The following SOCS5 variants were observed in gnomAD, a reference collection of about 807,000 sequenced individuals.
SOCS5 encodes the protein CIS-6.
Under a neutral mutation model 42.8 loss-of-function variants are expected in SOCS5, and 32 were observed. The ratio of observed to expected loss-of-function variants is 0.75; its 90% CI spans 0.56 to 1.01. The LOEUF (loss-of-function observed/expected upper bound fraction) is 1.01, where lower values mean the gene tolerates loss of function less well. Among genes scored for constraint, SOCS5 ranks in the 50% least tolerant of loss-of-function variants. The probability of loss-of-function intolerance (pLI) is 0.00; values close to 1 mark genes in which losing one functional copy is unlikely to be tolerated. For missense variants in SOCS5, 627 were observed against 653.0 expected, an observed-to-expected ratio of 0.96 and a Z score of 0.43; for synonymous variants, 283 against 229.6, an observed-to-expected ratio of 1.23 and a Z score of -2.10.
chr2:46,758,885 C>T lies in SOCS5; in HGVS notation c.355C>T (p.Pro119Ser). Residue 119 changes from proline to serine, a missense_variant, in exon 2 of 2, where the codon CCA (proline) becomes TCA (serine). Transcript: ENST00000394861. ...ARRDSYSRHA[P>S]WGGKKKHSCS... ...AAGAGATTCCTACTCTCGACATGCT[C>T]CATGGGGTGGGAAGAAAAAACATTC... 2 of 1,614,000 alleles carry T rather than the reference C, an allele frequency of 1.2e-6. No homozygotes were observed. Among genetic ancestry groups the T allele is most frequent in the Non-Finnish European group, 1.7e-6 (2 of 1,179,898 alleles).
intron 1 of SOCS5, among the ~76,000 whole-genome samples, chr2:46,703,206 A>C (rs556077968): frequency 6.6e-6 from 1 of 152,208 alleles, no homozygotes; most frequent in Non-Finnish European, 1.5e-5. Context: ...ATGTTACTGT[A>C]CTAGTAATAG....
intron 1 of SOCS5, among the ~76,000 whole-genome samples, chr2:46,750,970 C>G (rs543899980): frequency 5.0e-4 from 76 of 152,082 alleles, no homozygotes; most frequent in African/African-American, 4.6e-4. Flanking sequence ...TTTTAAAGAA[C>G]TTAATGACAC....
chr2:46,759,572 C>T lies in SOCS5; in HGVS notation c.1042C>T (p.His348Tyr). Residue 348 changes from histidine (H) to tyrosine (Y), a missense_variant, in exon 2 of 2, where the codon CAT (histidine) becomes TAT (tyrosine). By Grantham distance (83) the His-to-Tyr change is moderately conservative. Around this residue, in one of 3 missense-constraint regions of SOCS5, gnomAD observed 340 missense variants for 367.6 expected, o/e 0.92. Transcript: ENST00000394861. ...GCAGCGTCAGATATCTGGAGACAGC[C>T]ATACCCATGTTAGCAGACAGGGAGC... is the stretch of plus-strand genomic sequence containing the variant. ...QKQRQISGDS[H>Y]THVSRQGAWK... 6.2e-7 allele frequency: 1 copy of T among 1,613,920 alleles called. No homozygotes were observed.
At chr2:46,713,012 C>T (rs892073980) in intron 1 of SOCS5, among the ~76,000 whole-genome samples, 1 of 152,094 alleles carries the variant, frequency 6.6e-6, no homozygotes, top group Non-Finnish European at 1.5e-5. Flanking sequence ...CCATCTGGAC[C>T]TGTAGTTTTC....
chr2:46,759,962 A>G lies in SOCS5; in HGVS notation c.1432A>G (p.Arg478Gly). 6.2e-7 allele frequency: 1 copy of G among 1,614,200 alleles called. No homozygotes were observed. The highest frequency in any genetic ancestry group is 1.1e-5 in the South Asian group (1 of 91,084). ...ACCATTGCTTACTATATCACTAAAT[A>G]GGACTTTCCCTTTTAGCCTGCAGTA... ...FEPLLTISLN[R>G]TFPFSLQYIC... Residue 478 changes from arginine to glycine, a missense_variant, in exon 2 of 2, where the codon AGG becomes GGG. By Grantham distance (125) the Arg-to-Gly change is moderately radical. This residue lies in a region of SOCS5 where 340 missense variants were observed against 367.6 expected (regional missense o/e 0.92). Transcript: ENST00000394861.
intron 1 of SOCS5, among the ~76,000 whole-genome samples, chr2:46,703,172 G>A (rs1234627796): frequency 6.6e-6 from 1 of 152,142 alleles, no homozygotes; most frequent in Non-Finnish European, 1.5e-5. Context: ...ATTAAAATTA[G>A]AAACAAGCTA....
At chr2:46,741,335 G>C (rs1673370985) in intron 1 of SOCS5, among the ~76,000 whole-genome samples, 1 of 152,012 alleles carries the variant, frequency 6.6e-6, no homozygotes, top group Non-Finnish European at 1.5e-5. Context: ...CACCTCCCAG[G>C]TTCAAGTGAT....
chr2:46,759,356 G>A lies in SOCS5; in HGVS notation c.826G>A (p.Val276Ile), dbSNP rs1255841156. 1.9e-6 allele frequency: 3 copies of A among 1,613,844 alleles called. No individual in the cohort carries two copies. Among genetic ancestry groups the A allele is most frequent in the Non-Finnish European group, 2.5e-6 (3 of 1,179,852 alleles). ...ERRRLSIEEG[V>I]DPPPNAQIHT... ...AAGGCGGCTTAGTATTGAAGAAGGG[G>A]TTGATCCCCCTCCCAATGCACAAAT... The change falls in exon 2 of 2, where the codon GTT becomes ATT. Residue 276 changes from valine to isoleucine, a missense_variant. Coordinates refer to ENST00000394861, the MANE Select transcript of SOCS5 (RefSeq NM_144949.3).
rs767063563 is a variant in SOCS5, at chr2:46,758,751, ATTC to A, written c.225_227del (p.Ser76del). 6.2e-7 allele frequency: 1 copy of A among 1,614,194 alleles called. No individual in the cohort carries two copies. The highest frequency in any genetic ancestry group is 8.5e-7 in the Non-Finnish European group (1 of 1,180,016). Reference sequence around the variant, plus strand: ...CAACTGGGATTAAGCCCTTCGAAGAATTCTTCAAGGAGAAATCAAAATTGTGCC... The same window carrying A: ...CAACTGGGATTAAGCCCTTCGAAGAATTCAAGGAGAAATCAAAATTGTGCC... On this transcript the variant is annotated inframe_deletion, in exon 2 of 2. Coordinates refer to ENST00000394861, the MANE Select transcript of SOCS5 (RefSeq NM_144949.3).
intron 1 of SOCS5, among the ~76,000 whole-genome samples, chr2:46,719,985 A>G (rs1159030824): frequency 6.6e-6 from 1 of 152,184 alleles, no homozygotes; most frequent in African/African-American, 2.4e-5. Context: ...AAACAATATC[A>G]AGCTATGATA....
chr2:46,720,535 G>T (rs1038449145), intron 1 of SOCS5, among the ~76,000 whole-genome samples: 1 of 152,014 alleles, frequency 6.6e-6, no homozygotes, highest in Admixed American at 6.6e-5. Flanking sequence ...AAAACAGCTT[G>T]GTATTTTTTA....
intron 1 of SOCS5, among the ~76,000 whole-genome samples, chr2:46,739,774 CAT>C (rs374226865): frequency 9.2e-5 from 14 of 152,262 alleles, no homozygotes; most frequent in Middle Eastern, 3.4e-3. Context: ...CTTTTGTACA[CAT>C]GTCTACACAC....
chr2:46,732,111 A>G (rs1177291293), intron 1 of SOCS5, among the ~76,000 whole-genome samples: 1 of 152,186 alleles, frequency 6.6e-6, no homozygotes, highest in Non-Finnish European at 1.5e-5. Context: ...ATGCAGTTTT[A>G]TTTCATTCAT....
At chr2:46,716,777 ATTT>A (rs1283807439) in intron 1 of SOCS5, among the ~76,000 whole-genome samples, 1 of 152,152 alleles carries the variant, frequency 6.6e-6, no homozygotes, top group Non-Finnish European at 1.5e-5. Context: ...TGCTTGGCCA[ATTT>A]TATGAATCAA....
chr2:46,744,067 G>A (rs1255138686), intron 1 of SOCS5, among the ~76,000 whole-genome samples: 1 of 151,712 alleles, frequency 6.6e-6, no homozygotes, highest in South Asian at 2.1e-4. Flanking sequence ...TCAGCTCACT[G>A]CAACCTCCCC....
At chr2:46,751,622 A>G (rs1316803550) in intron 1 of SOCS5, among the ~76,000 whole-genome samples, 2 of 152,120 alleles carry the variant, frequency 1.3e-5, no homozygotes, top group Non-Finnish European at 2.9e-5. Flanking sequence ...TTCTGTGTGT[A>G]TATTATTTTT....
intron 1 of SOCS5, among the ~76,000 whole-genome samples, chr2:46,740,372 G>T (rs1673343409): frequency 6.6e-6 from 1 of 152,198 alleles, no homozygotes. Flanking sequence ...TTTGGTTAAA[G>T]AAATACAGCT....
At chr2:46,758,405 G>T (rs41483445) in intron 1 of SOCS5, 114 bp from the exon 2 acceptor site, 3 of 706,258 alleles carry the variant, frequency 4.2e-6, no homozygotes, top group African/African-American at 1.8e-5. Flanking sequence ...GTAGGTGAAC[G>T]CTTGGCCAGT....
intron 1 of SOCS5, among the ~76,000 whole-genome samples, chr2:46,707,208 G>A (rs1672516473): frequency 6.6e-6 from 1 of 152,136 alleles, no homozygotes. Flanking sequence ...CAAAAGGTGG[G>A]TATTACATCT....
Sources: gnomAD v4.1 joint callset for allele counts (sites outside exome capture counted in the v4.1 genomes callset) on GRCh38, gnomAD v4.1.1 for gene constraint, gnomAD v4.1.1 regional missense constraint, MANE v1.5 for transcripts, NCBI Gene and HGNC (gene_info 2026-07-23, HGNC 2026-07-21) for gene names.